Variants in PRKG1 observed in about 807,000 individuals in gnomAD.
PRKG1 encodes cGMP-dependent protein kinase 1.
PRKG1 carries 35 observed loss-of-function variants against 88.1 expected under a neutral mutation model. The observed-to-expected ratio is 0.40, with a 90% CI of 0.30 to 0.53. The LOEUF (loss-of-function observed/expected upper bound fraction) is 0.53. Ranked by LOEUF, PRKG1 falls within the 20% of genes least tolerant of loss-of-function variation. The pLI is 0.59. For missense variants in PRKG1, 540 were observed against 839.8 expected (o/e 0.64, Z 4.41); for synonymous variants, 303 against 292.5 (o/e 1.04, Z -0.37).
chr10:51,306,144 G>T (rs562362895), intron 2 of PRKG1, among the ~76,000 whole-genome samples: 1 of 152,292 alleles, frequency 6.6e-6, no homozygotes, highest in African/African-American at 2.4e-5. Context: ...ACAGAACCTG[G>T]ATTGAAATTA....
At chr10:51,870,471 CT>C (rs1841128796) in intron 4 of PRKG1, among the ~76,000 whole-genome samples, 1 of 151,786 alleles carries the variant, frequency 6.6e-6, no homozygotes, top group Non-Finnish European at 1.5e-5. Context: ...CTAGGAGATA[CT>C]TTTTAGGGCC....
intron 2 of PRKG1, among the ~76,000 whole-genome samples, chr10:51,295,150 AT>A (rs1439930569): frequency 6.6e-6 from 1 of 151,966 alleles, no homozygotes; most frequent in Non-Finnish European, 1.5e-5. Flanking sequence ...GAATTTTAGT[AT>A]TTTTTTCTAC....
intron 9 of PRKG1, among the ~76,000 whole-genome samples, chr10:52,191,009 A>G (rs1318559189): frequency 6.6e-6 from 1 of 152,106 alleles, no homozygotes; most frequent in Admixed American, 6.5e-5. Context: ...TCATTTTTCA[A>G]TTTTCCTCAA....
At chr10:51,436,577 T>C (rs1270425197) in intron 2 of PRKG1, among the ~76,000 whole-genome samples, 1 of 151,992 alleles carries the variant, frequency 6.6e-6, no homozygotes, top group Non-Finnish European at 1.5e-5. Context: ...AAATGGCTCC[T>C]AATGAGTTCT....
At chr10:51,816,690 A>T (rs1839596338) in intron 4 of PRKG1, among the ~76,000 whole-genome samples, 1 of 152,110 alleles carries the variant, frequency 6.6e-6, no homozygotes, top group Non-Finnish European at 1.5e-5. Context: ...TTGTGTGTGT[A>T]TAATAAGTGA....
chr10:51,330,575 C>T lies in PRKG1; in HGVS notation c.479-137148C>T, dbSNP rs183451285. Among the ~76,000 whole-genome samples, 324 of 152,298 alleles carry T rather than the reference C, an allele frequency of 2.1e-3. 3 individuals carry two copies. Among genetic ancestry groups the T allele is most frequent in the African/African-American group, 7.5e-3 (312 of 41,558 alleles). ...CCATGTATTTCTGACTGTATGTTTT[C>T]AGTTTCACAGATTGTTTCTTCTGCA... On this transcript the variant is annotated intron_variant, in intron 2 of 17. Coordinates refer to ENST00000373980, the MANE Select transcript of PRKG1 (RefSeq NM_006258.4).
At chr10:51,302,284 GACAA>G (rs1564437231) in intron 2 of PRKG1, among the ~76,000 whole-genome samples, 1 of 152,080 alleles carries the variant, frequency 6.6e-6, no homozygotes, top group Non-Finnish European at 1.5e-5. Context: ...ACATCTACTT[GACAA>G]ACATTTTTAG....
At chr10:52,010,998 C>T (rs893687462) in intron 5 of PRKG1, among the ~76,000 whole-genome samples, 2 of 152,168 alleles carry the variant, frequency 1.3e-5, no homozygotes, top group Non-Finnish European at 2.9e-5. Context: ...TTGATTCAAG[C>T]ATGAAAATCT....
chr10:51,346,830 T>A (rs1450514903), intron 2 of PRKG1, among the ~76,000 whole-genome samples: 3 of 152,216 alleles, frequency 2.0e-5, no homozygotes, highest in East Asian at 1.9e-4. Flanking sequence ...TACCTCATGA[T>A]ACCTAATCTT....
intron 6 of PRKG1, among the ~76,000 whole-genome samples, chr10:52,055,305 C>CT (rs1329315905): frequency 6.6e-6 from 1 of 152,116 alleles, no homozygotes; most frequent in East Asian, 1.9e-4. Context: ...GCTGAATACT[C>CT]TGAGGATGAT....
intron 5 of PRKG1, among the ~76,000 whole-genome samples, chr10:51,925,147 G>A (rs149710830): frequency 4.6e-5 from 7 of 151,180 alleles, no homozygotes; most frequent in African/African-American, 1.2e-4. Context: ...TGAAATTTGG[G>A]TATGATGTTT....
At chr10:51,251,063 G>A (rs1840654891) in intron 2 of PRKG1, among the ~76,000 whole-genome samples, 1 of 151,736 alleles carries the variant, frequency 6.6e-6, no homozygotes. Flanking sequence ...TCTTAAATAA[G>A]GGATAGTTTT....
At chr10:51,108,211 C>G (rs1361171218) in intron 1 of PRKG1, among the ~76,000 whole-genome samples, 1 of 151,934 alleles carries the variant, frequency 6.6e-6, no homozygotes, top group African/African-American at 2.4e-5. Flanking sequence ...CACACTCTTA[C>G]AGAAAATTGA....
intron 2 of PRKG1, among the ~76,000 whole-genome samples, chr10:51,324,119 T>C (rs558852236): frequency 3.9e-5 from 6 of 152,354 alleles, no homozygotes; most frequent in South Asian, 2.1e-4. Context: ...ACAATTCTTC[T>C]AGCTATTTTG....
chr10:51,692,486 G>A (rs1209191534), intron 3 of PRKG1, among the ~76,000 whole-genome samples: 1 of 151,878 alleles, frequency 6.6e-6, no homozygotes, highest in East Asian at 1.9e-4. Flanking sequence ...CATGTGATCT[G>A]CCCACCTCTC....
chr10:51,204,706 C>T (rs990908076), intron 2 of PRKG1, among the ~76,000 whole-genome samples: 1 of 152,100 alleles, frequency 6.6e-6, no homozygotes, highest in Non-Finnish European at 1.5e-5. Context: ...CACCAGACCC[C>T]AGATCCCAGG....
chr10:52,295,781 A>AGAATAT lies in PRKG1; in HGVS notation c.*1883_*1888dup, dbSNP rs1842368850. The AGAATAT allele has an allele frequency of 6.6e-6, 1 of 152,032 alleles. No individual in the cohort carries two copies. Among genetic ancestry groups the AGAATAT allele is most frequent in the African/African-American group, 2.4e-5 (1 of 41,438 alleles). The allele number at this position is 152,032 out of a possible 1,614,324, so 9.4% of individuals were successfully genotyped here. On this transcript the variant is annotated 3_prime_UTR_variant, in exon 18 of 18. Coordinates refer to ENST00000373980, the MANE Select transcript of PRKG1 (RefSeq NM_006258.4). The stretch of plus-strand genomic sequence containing the variant: ...AATTGTTCTTACTCAAAACTACCTT[A>AGAATAT]GAATATGGTATCTTATGAAAATATA...
intron 3 of PRKG1, among the ~76,000 whole-genome samples, chr10:51,506,305 G>C (rs533720274): frequency 4.6e-5 from 7 of 152,168 alleles, no homozygotes; most frequent in African/African-American, 1.7e-4. Flanking sequence ...ATTGACAAAT[G>C]GGATCTAATT....
At chr10:51,640,596 A>G (rs1421898992) in intron 3 of PRKG1, among the ~76,000 whole-genome samples, 1 of 152,164 alleles carries the variant, frequency 6.6e-6, no homozygotes, top group Non-Finnish European at 1.5e-5. Flanking sequence ...TTCTTGTTAA[A>G]GAGGGAGAAG....
Sources: allele counts gnomAD v4.1 joint callset (sites outside exome capture counted in the v4.1 genomes callset), GRCh38; gene constraint gnomAD v4.1.1; transcripts MANE v1.5; gene names NCBI Gene and HGNC (gene_info 2026-07-23, HGNC 2026-07-21).